PHLDB2: variants seen among roughly 807,000 people sequenced by gnomAD.
The protein encoded by PHLDB2 is pleckstrin homology-like domain family B member 2.
Under a neutral mutation model 123.6 loss-of-function variants are expected in PHLDB2, and 71 were observed. The observed-to-expected ratio is 0.57, with a 90% CI of 0.47 to 0.70. The LOEUF (loss-of-function observed/expected upper bound fraction) is 0.70, where lower values mean the gene tolerates loss of function less well. Among genes scored for constraint, PHLDB2 ranks in the 30% least tolerant of loss-of-function variants. The probability of loss-of-function intolerance (pLI) is 0.00; values close to 1 mark genes in which losing one functional copy is unlikely to be tolerated. For missense variants in PHLDB2, 1,446 were observed against 1,519.5 expected (o/e 0.95, Z 0.80); for synonymous variants, 547 against 541.6 (o/e 1.01, Z -0.14).
chr3:111,791,623 A>G (rs979562646), intron 1 of PHLDB2, among the ~76,000 whole-genome samples: 1 of 152,216 alleles, frequency 6.6e-6, no homozygotes, highest in Non-Finnish European at 1.5e-5. Flanking sequence ...TGAAATGGTT[A>G]TAAAATGCTA....
chr3:111,928,679 T>C (rs2068943476), intron 5 of PHLDB2, among the ~76,000 whole-genome samples: 1 of 152,198 alleles, frequency 6.6e-6, no homozygotes, highest in South Asian at 2.1e-4. Context: ...TCTACCTTAA[T>C]TTACCCATGG....
At chr3:111,885,546 T>A in intron 2 of PHLDB2, 134 bp downstream of exon 2, 1 of 1,147,090 alleles carries the variant, frequency 8.7e-7, no homozygotes, top group Non-Finnish European at 1.3e-6. Flanking sequence ...GCTATCTTTC[T>A]CTTCTCTCCT....
intron 15 of PHLDB2, among the ~76,000 whole-genome samples, chr3:111,969,147 T>C (rs569535115): frequency 2.0e-4 from 30 of 152,324 alleles, no homozygotes; most frequent in African/African-American, 7.0e-4. Context: ...AGCTTTACTT[T>C]TCAAAATATA....
intron 16 of PHLDB2, 79 bp downstream of exon 16, chr3:111,969,988 T>G (rs2072057630): frequency 2.3e-6 from 3 of 1,332,750 alleles, no homozygotes; most frequent in Non-Finnish European, 3.2e-6. Flanking sequence ...TGAAATTCAG[T>G]GTAAATAGGT....
intron 1 of PHLDB2, among the ~76,000 whole-genome samples, chr3:111,741,219 AC>A (rs1267536545): frequency 4.0e-4 from 61 of 152,298 alleles, no homozygotes; most frequent in African/African-American, 1.4e-3. Context: ...TCATACACCT[AC>A]CCACAGCCCT....
intron 1 of PHLDB2, among the ~76,000 whole-genome samples, chr3:111,873,481 T>C (rs1156664552): frequency 6.6e-6 from 1 of 152,182 alleles, no homozygotes; most frequent in Non-Finnish European, 1.5e-5. Flanking sequence ...ATCTAAAAAA[T>C]AACATCAGTG....
intron 1 of PHLDB2, among the ~76,000 whole-genome samples, chr3:111,799,344 C>CA (rs887458752): frequency 1.3e-5 from 2 of 152,190 alleles, no homozygotes; most frequent in African/African-American, 4.8e-5. Context: ...AATTTGAACA[C>CA]AGACTGCTGT....
intron 1 of PHLDB2, among the ~76,000 whole-genome samples, chr3:111,741,464 A>G (rs943631837): frequency 6.6e-6 from 1 of 152,154 alleles, no homozygotes; most frequent in African/African-American, 2.4e-5. Flanking sequence ...TGTGGGCACC[A>G]AGTGTCTTGC....
chr3:111,971,428 T>G (rs1213679502), intron 16 of PHLDB2, among the ~76,000 whole-genome samples: 1 of 148,594 alleles, frequency 6.7e-6, no homozygotes, highest in Non-Finnish European at 1.5e-5. Flanking sequence ...AAACTTCTGG[T>G]GACTGATTTC....
chr3:111,738,830 A>C (rs980667653), intron 1 of PHLDB2, among the ~76,000 whole-genome samples: 7 of 152,194 alleles, frequency 4.6e-5, no homozygotes, highest in Non-Finnish European at 8.8e-5. Context: ...TAAAGAAAGA[A>C]TCAGAAGTGT....
chr3:111,794,653 TAA>T (rs1315316664), intron 1 of PHLDB2, among the ~76,000 whole-genome samples: 1 of 152,218 alleles, frequency 6.6e-6, no homozygotes, highest in East Asian at 1.9e-4. Flanking sequence ...CAAAAATGTA[TAA>T]GAGTATGGAT....
chr3:111,748,155 A>G (rs918715792), intron 1 of PHLDB2, among the ~76,000 whole-genome samples: 8 of 152,188 alleles, frequency 5.3e-5, no homozygotes, highest in South Asian at 2.1e-4. Context: ...AGGAAGCAAA[A>G]TAGACCCAAG....
At chr3:111,832,596 T>A (rs1327251478) in intron 1 of PHLDB2, among the ~76,000 whole-genome samples, 1 of 145,698 alleles carries the variant, frequency 6.9e-6, no homozygotes, top group Non-Finnish European at 1.5e-5. Context: ...TGTAATATTA[T>A]ATATTATCTC....
chr3:111,793,289 G>A lies in PHLDB2; in HGVS notation c.-48-52532G>A, dbSNP rs7642700. Among the ~76,000 whole-genome samples the A allele has an allele frequency of 3.9e-3, 594 of 152,208 alleles. 2 individuals carry two copies. Among genetic ancestry groups the A allele is most frequent in the African/African-American group, 0.013 (544 of 41,522 alleles). On this transcript the variant is annotated intron_variant, in intron 1 of 17. Coordinates refer to the PHLDB2 transcript ENST00000393923. ...CTCTTCCCTCCCCTTTCCTCAAGCA[G>A]GGGAGACTCTTCCCATGGCCACCAC... is the stretch of plus-strand genomic sequence containing the variant.
At chr3:111,799,459 T>C (rs1252443594) in intron 1 of PHLDB2, among the ~76,000 whole-genome samples, 2 of 152,228 alleles carry the variant, frequency 1.3e-5, no homozygotes. Context: ...GTAGACAGCT[T>C]CAATTGGTCT....
intron 8 of PHLDB2, among the ~76,000 whole-genome samples, chr3:111,941,158 C>A (rs2069856661): frequency 1.3e-5 from 2 of 152,136 alleles, no homozygotes; most frequent in Admixed American, 6.5e-5. Flanking sequence ...CAAGGGGTGG[C>A]AAGATCATCC....
intron 1 of PHLDB2, among the ~76,000 whole-genome samples, chr3:111,836,692 C>CAGGG (rs1036968550): frequency 3.9e-4 from 60 of 152,270 alleles, no homozygotes; most frequent in African/African-American, 1.3e-3. Flanking sequence ...GAGGAGGCCT[C>CAGGG]AGGGACCTTA....
intron 1 of PHLDB2, among the ~76,000 whole-genome samples, chr3:111,775,208 C>A (rs570543568): frequency 1.3e-5 from 2 of 152,116 alleles, no homozygotes; most frequent in African/African-American, 4.8e-5. Context: ...TACATGGAAC[C>A]AAAGAGCAGA....
intron 1 of PHLDB2, among the ~76,000 whole-genome samples, chr3:111,772,248 A>G (rs1018836308): frequency 6.6e-6 from 1 of 152,170 alleles, no homozygotes; most frequent in African/African-American, 2.4e-5. Flanking sequence ...GACCCTGTTC[A>G]GAGGAAGTTA....
Sources: allele counts gnomAD v4.1 joint callset (sites outside exome capture counted in the v4.1 genomes callset), GRCh38; gene constraint gnomAD v4.1.1; transcripts MANE v1.5; gene names NCBI Gene and HGNC (gene_info 2026-07-23, HGNC 2026-07-21).